UNC5D: variants seen among roughly 807,000 people sequenced by gnomAD.
UNC5D encodes the protein unc-5 netrin receptor D, also known as netrin receptor UNC5D.
In UNC5D, 39 loss-of-function variants were observed where a neutral mutation model predicts 105.4. The observed-to-expected ratio is 0.37, with a 90% CI of 0.29 to 0.48. The LOEUF is 0.48. Ranked by LOEUF, UNC5D falls within the 20% of genes least tolerant of loss-of-function variation. UNC5D has a pLI of 0.98. For synonymous variants in UNC5D, 452 were observed against 450.4 expected (o/e 1.00, Z -0.04); for missense variants, 991 against 1,202.4 (o/e 0.82, Z 2.60).
chr8:35,507,286 A>G (rs1812387238), intron 1 of UNC5D, among the ~76,000 whole-genome samples: 1 of 151,362 alleles, frequency 6.6e-6, no homozygotes. Flanking sequence ...CGATTTCCTG[A>G]CCTCGTGATC....
chr8:35,426,296 T>C (rs1318090717), intron 1 of UNC5D, among the ~76,000 whole-genome samples: 1 of 152,198 alleles, frequency 6.6e-6, no homozygotes, highest in Non-Finnish European at 1.5e-5. Flanking sequence ...ATGGAATTCA[T>C]AGACTATTCC....
intron 1 of UNC5D, among the ~76,000 whole-genome samples, chr8:35,398,991 AC>A (rs2128948150): frequency 6.6e-6 from 1 of 151,896 alleles, no homozygotes; most frequent in Non-Finnish European, 1.5e-5. Flanking sequence ...CCCCATCTCT[AC>A]TAAAATACAG....
intron 1 of UNC5D, among the ~76,000 whole-genome samples, chr8:35,439,674 A>G (rs375550353): frequency 4.6e-5 from 7 of 152,150 alleles, no homozygotes; most frequent in African/African-American, 1.4e-4. Flanking sequence ...GTCATTCCCA[A>G]GAAGGGTGTC....
intron 4 of UNC5D, among the ~76,000 whole-genome samples, chr8:35,623,421 C>T (rs1393019452): frequency 6.6e-6 from 1 of 152,104 alleles, no homozygotes; most frequent in Non-Finnish European, 1.5e-5. Flanking sequence ...CTTCATTATT[C>T]CCTGTTGCCA....
chr8:35,634,291 G>A (rs189026389), intron 4 of UNC5D, among the ~76,000 whole-genome samples: 5 of 152,272 alleles, frequency 3.3e-5, no homozygotes, highest in African/African-American at 4.8e-5. Context: ...CACGGCACAC[G>A]CATTTTCCCT....
chr8:35,682,991 C>T (rs1825770760), intron 4 of UNC5D, among the ~76,000 whole-genome samples: 1 of 152,178 alleles, frequency 6.6e-6, no homozygotes, highest in Non-Finnish European at 1.5e-5. Context: ...TCAAAATCTA[C>T]AGAACACTGA....
At chr8:35,509,295 T>C (rs1383925055) in intron 1 of UNC5D, among the ~76,000 whole-genome samples, 2 of 151,428 alleles carry the variant, frequency 1.3e-5, no homozygotes, top group Admixed American at 1.3e-4. Flanking sequence ...AGGTTTACTA[T>C]TGTAGCAAAG....
chr8:35,762,958 T>C (rs981435164), intron 14 of UNC5D, among the ~76,000 whole-genome samples: 1 of 152,188 alleles, frequency 6.6e-6, no homozygotes, highest in African/African-American at 2.4e-5. Flanking sequence ...TGAAAACATT[T>C]CCGGAATTCT....
intron 1 of UNC5D, among the ~76,000 whole-genome samples, chr8:35,262,698 A>G (rs960945534): frequency 6.6e-6 from 1 of 152,180 alleles, no homozygotes; most frequent in Non-Finnish European, 1.5e-5. Flanking sequence ...TCCTGTTTCC[A>G]GGGAGGTTTC....
chr8:35,755,612 T>C (rs1830483714), intron 13 of UNC5D, among the ~76,000 whole-genome samples: 1 of 152,102 alleles, frequency 6.6e-6, no homozygotes, highest in Non-Finnish European at 1.5e-5. Context: ...AAGAGCTCAG[T>C]GAGGCACAAA....
In UNC5D at chr8:35,616,858, ACCT is replaced by A. The variant is rs1375114969; in HGVS notation, c.570+21203_570+21205del. Among the ~76,000 whole-genome samples the A allele has an allele frequency of 2.0e-5, 3 of 152,348 alleles. No individual in the cohort carries two copies. In the East Asian group the frequency reaches 5.8e-4, roughly 29 times the overall value. On this transcript the variant is annotated intron_variant, in intron 4 of 16. Coordinates refer to ENST00000404895, the MANE Select transcript of UNC5D (RefSeq NM_080872.4). Reference sequence around the variant, plus strand: ...GTTGGTAGTAAGCATTTTTAAAGAAACCTCATATAAGAAAAGGAAATGTATGAT... The same window carrying A: ...GTTGGTAGTAAGCATTTTTAAAGAAACATATAAGAAAAGGAAATGTATGAT...
At chr8:35,511,777 A>G (rs938171803) in intron 1 of UNC5D, among the ~76,000 whole-genome samples, 2 of 152,132 alleles carry the variant, frequency 1.3e-5, no homozygotes, top group Non-Finnish European at 2.9e-5. Context: ...AAGAAAGTTT[A>G]TGAATTTGTG....
intron 1 of UNC5D, among the ~76,000 whole-genome samples, chr8:35,417,945 G>A (rs957495864): frequency 2.0e-4 from 31 of 152,036 alleles, no homozygotes; most frequent in African/African-American, 6.3e-4. Context: ...TTCTGACTCC[G>A]ATTTCCAGAT....
intron 1 of UNC5D, among the ~76,000 whole-genome samples, chr8:35,404,104 T>G (rs1191694043): frequency 6.6e-6 from 1 of 152,224 alleles, no homozygotes; most frequent in African/African-American, 2.4e-5. Context: ...TTATAGGACA[T>G]GAAGTTGCTA....
At chr8:35,260,354 C>T (rs539169690) in intron 1 of UNC5D, among the ~76,000 whole-genome samples, 1 of 152,324 alleles carries the variant, frequency 6.6e-6, no homozygotes, top group East Asian at 1.9e-4. Context: ...AAAAGATCTA[C>T]TGACTCAGGC....
chr8:35,582,112 C>T (rs1818497874), intron 3 of UNC5D, among the ~76,000 whole-genome samples: 1 of 152,188 alleles, frequency 6.6e-6, no homozygotes, highest in Non-Finnish European at 1.5e-5. Context: ...TATGGTTGAA[C>T]ACCATGACTT....
chr8:35,245,714 T>A (rs1289513270), intron 1 of UNC5D, among the ~76,000 whole-genome samples: 1 of 152,170 alleles, frequency 6.6e-6, no homozygotes, highest in Admixed American at 6.6e-5. Flanking sequence ...AAGACAGCTC[T>A]AACCTACCAC....
intron 1 of UNC5D, among the ~76,000 whole-genome samples, chr8:35,321,544 T>C (rs558278281): frequency 1.3e-5 from 2 of 152,224 alleles, no homozygotes; most frequent in Admixed American, 1.3e-4. Context: ...CATGAGGCCT[T>C]CACCAGCCAT....
In UNC5D at chr8:35,730,945, C is replaced by T. The variant is rs539740661; in HGVS notation, c.1682-67C>T. The T allele has an allele frequency of 3.2e-5, 47 of 1,453,048 alleles. No individual in the cohort carries two copies. In the East Asian group the frequency reaches 1.0e-3, roughly 32 times the overall value. 90.0% of individuals were successfully genotyped at this position (1,453,048 alleles called of 1,614,324 possible). A position where few individuals can be genotyped will look rare whatever the true frequency, so the allele number is the denominator to read the frequency against. ...TTGTTTTCCAGGTATCTGTAAGGTG[C>T]TCGAGTGACAAACTTCATGATAATT... On this transcript the variant is annotated intron_variant, in intron 10 of 16. Transcript: ENST00000404895.
Sources: gnomAD v4.1 joint callset for allele counts (sites outside exome capture counted in the v4.1 genomes callset) on GRCh38, gnomAD v4.1.1 for gene constraint, MANE v1.5 for transcripts, NCBI Gene and HGNC (gene_info 2026-07-23, HGNC 2026-07-21) for gene names.